The following SKAP2 variants were observed in gnomAD, a reference collection of about 807,000 sequenced individuals.
SKAP2 encodes src kinase-associated phosphoprotein 2.
In SKAP2, 28 loss-of-function variants were observed where a neutral mutation model predicts 54.9. The ratio of observed to expected loss-of-function variants is 0.51; its 90% CI spans 0.38 to 0.70. SKAP2 has a LOEUF of 0.70. Ranked by LOEUF, SKAP2 falls within the 30% of genes least tolerant of loss-of-function variation. The pLI is 0.00. For synonymous variants in SKAP2, 137 were observed against 134.3 expected (o/e 1.02, Z -0.14); for missense variants, 356 against 424.1 (o/e 0.84, Z 1.41).
At position 26,725,912 on chromosome 7, in the gene SKAP2, A is replaced by G. The variant is rs1361998376; in HGVS notation, c.658+11T>C. 6.2e-7 allele frequency: 1 copy of G among 1,601,412 alleles called. No individual in the cohort carries two copies. Among genetic ancestry groups the G allele is most frequent in the Admixed American group, 1.7e-5 (1 of 59,836 alleles). On this transcript the variant is annotated intron_variant, in intron 8 of 12. Coordinates refer to ENST00000345317, the MANE Select transcript of SKAP2 (RefSeq NM_003930.5). Reference sequence around the variant, plus strand: ...AAGACTGTGATAACTTGTTCGATTGATTTATCTTACCTTGCAATACAAATT... The same window carrying G: ...AAGACTGTGATAACTTGTTCGATTGGTTTATCTTACCTTGCAATACAAATT...
intron 6 of SKAP2, among the ~76,000 whole-genome samples, chr7:26,732,064 T>A (rs1787834476): frequency 1.3e-5 from 2 of 152,218 alleles, no homozygotes; most frequent in African/African-American, 4.8e-5. Context: ...CATCCATGCA[T>A]CTTTCCTATT....
intron 4 of SKAP2, among the ~76,000 whole-genome samples, chr7:26,801,409 T>C (rs761530041): frequency 1.2e-4 from 18 of 152,194 alleles, no homozygotes; most frequent in Non-Finnish European, 2.1e-4. Flanking sequence ...TCATACTGAA[T>C]GAGGAAAAAC....
chr7:26,691,703 AC>A (rs904329921), intron 9 of SKAP2, among the ~76,000 whole-genome samples: 2 of 152,098 alleles, frequency 1.3e-5, no homozygotes, highest in Admixed American at 1.3e-4. Flanking sequence ...CAGCAGAGAA[AC>A]CCCCCAACTA....
intron 9 of SKAP2, among the ~76,000 whole-genome samples, chr7:26,702,224 A>G (rs9648328): frequency 0.081 from 12,382 of 152,090 alleles, 590 homozygotes; most frequent in Middle Eastern, 0.17. Context: ...GCATGATCTC[A>G]GCACACTGAA....
intron 11 of SKAP2, among the ~76,000 whole-genome samples, chr7:26,677,667 T>C (rs1786380706): frequency 6.6e-6 from 1 of 152,230 alleles, no homozygotes; most frequent in African/African-American, 2.4e-5. Context: ...TCTGGGATTC[T>C]CCAGGACTAC....
chr7:26,770,321 TC>T (rs1346740293), intron 4 of SKAP2, among the ~76,000 whole-genome samples: 2 of 152,116 alleles, frequency 1.3e-5, no homozygotes, highest in African/African-American at 4.8e-5. Context: ...AGCTCAAGTG[TC>T]CCAGGTCAAC....
intron 9 of SKAP2, among the ~76,000 whole-genome samples, chr7:26,722,742 C>T (rs1787605588): frequency 6.6e-6 from 1 of 152,032 alleles, no homozygotes; most frequent in Non-Finnish European, 1.5e-5. Context: ...TTTCTTCTTA[C>T]TCTTGAAACT....
chr7:26,694,455 AG>A (rs1786853730), intron 9 of SKAP2, among the ~76,000 whole-genome samples: 1 of 142,688 alleles, frequency 7.0e-6, no homozygotes, highest in Non-Finnish European at 1.5e-5. Flanking sequence ...AAGAATCATC[AG>A]GAGATTTTTT....
At chr7:26,711,622 A>G (rs942868096) in intron 9 of SKAP2, among the ~76,000 whole-genome samples, 1 of 152,154 alleles carries the variant, frequency 6.6e-6, no homozygotes, top group African/African-American at 2.4e-5. Flanking sequence ...GTCTGTCTGG[A>G]GCATAAGTCT....
intron 4 of SKAP2, among the ~76,000 whole-genome samples, chr7:26,790,627 A>T (rs1584391579): frequency 6.6e-6 from 1 of 152,214 alleles, no homozygotes; most frequent in South Asian, 2.1e-4. Context: ...TTTTAATAAA[A>T]CATTTTATAT....
intron 4 of SKAP2, among the ~76,000 whole-genome samples, chr7:26,809,159 A>G (rs1240751188): frequency 6.6e-6 from 1 of 152,196 alleles, no homozygotes; most frequent in East Asian, 1.9e-4. Context: ...CACGCCTGTA[A>G]TCCCAGCACT....
chr7:26,763,105 G>C (rs911861935), intron 4 of SKAP2, among the ~76,000 whole-genome samples: 1 of 151,940 alleles, frequency 6.6e-6, no homozygotes, highest in Non-Finnish European at 1.5e-5. Context: ...GAGATCTCAG[G>C]TTTCTATAAA....
intron 4 of SKAP2, among the ~76,000 whole-genome samples, chr7:26,791,718 T>C (rs1783676817): frequency 6.6e-6 from 1 of 152,106 alleles, no homozygotes; most frequent in Non-Finnish European, 1.5e-5. Flanking sequence ...ACAATACAAA[T>C]GAAGAAAGGT....
chr7:26,846,450 T>C (rs1426602166), intron 3 of SKAP2, among the ~76,000 whole-genome samples: 1 of 152,198 alleles, frequency 6.6e-6, no homozygotes, highest in Non-Finnish European at 1.5e-5. Flanking sequence ...TATGTGTATA[T>C]ATGCATTTAT....
chr7:26,661,309 G>A, the SKAP2 span, among the ~76,000 whole-genome samples: 6 of 152,168 alleles, frequency 3.9e-5, no homozygotes, highest in East Asian at 9.7e-4. Context: ...AAATAAAATT[G>A]TGTCACTCCT....
At chr7:26,775,488 A>G (rs1254409272) in intron 4 of SKAP2, among the ~76,000 whole-genome samples, 18 of 151,970 alleles carry the variant, frequency 1.2e-4, no homozygotes, top group Admixed American at 1.2e-3. Flanking sequence ...TGACATTGAC[A>G]CAATTCACCA....
intron 3 of SKAP2, among the ~76,000 whole-genome samples, chr7:26,849,276 T>C (rs1332523371): frequency 2.0e-5 from 3 of 152,166 alleles, no homozygotes. Context: ...ACAATATCAA[T>C]AAAATATTAA....
At chr7:26,825,916 C>T (rs1223487904) in intron 4 of SKAP2, among the ~76,000 whole-genome samples, 1 of 152,098 alleles carries the variant, frequency 6.6e-6, no homozygotes, top group African/African-American at 2.4e-5. Context: ...TAAGTTTAGT[C>T]ATACTTTCAC....
chr7:26,671,748 A>G (rs919593176), intron 11 of SKAP2, among the ~76,000 whole-genome samples: 1 of 152,056 alleles, frequency 6.6e-6, no homozygotes, highest in Non-Finnish European at 1.5e-5. Context: ...CTGTATAAGG[A>G]ACGAGGATAC....
Sources: allele counts gnomAD v4.1 joint callset (sites outside exome capture counted in the v4.1 genomes callset), GRCh38; gene constraint gnomAD v4.1.1; transcripts MANE v1.5; gene names NCBI Gene and HGNC (gene_info 2026-07-23, HGNC 2026-07-21).